EEF1G: variants seen among roughly 807,000 people sequenced by gnomAD.
EEF1G encodes eukaryotic translation elongation factor 1 gamma, also known as elongation factor 1-gamma.
A neutral mutation model predicts 58.3 loss-of-function variants in EEF1G; 14 were observed. That is an observed-to-expected ratio of 0.24 (90% CI 0.16 to 0.38). The LOEUF is 0.38. Ranked by LOEUF, EEF1G falls within the 10% of genes least tolerant of loss-of-function variation. The pLI is 1.00. For synonymous variants in EEF1G, 180 were observed against 206.8 expected (o/e 0.87, Z 1.11); for missense variants, 322 against 550.1 (o/e 0.59, Z 4.15).
intron 7 of EEF1G, among the ~76,000 whole-genome samples, chr11:62,563,813 G>A (rs1045623194): frequency 1.3e-5 from 2 of 152,198 alleles, no homozygotes; most frequent in Non-Finnish European, 2.9e-5. Context: ...TAGCAAAGCA[G>A]AGGATCTGTC....
chr11:62,572,538 C>T (rs575793726), intron 2 of EEF1G, 46 bp downstream of exon 2: 2 of 1,608,274 alleles, frequency 1.2e-6, no homozygotes, highest in South Asian at 2.2e-5. Flanking sequence ...AATCGCAGGG[C>T]CTTGGTTTCT....
chr11:62,570,917 T>G (rs1474382969), intron 5 of EEF1G, 48 bp downstream of exon 5: 26 of 1,611,630 alleles, frequency 1.6e-5, no homozygotes, highest in Non-Finnish European at 2.1e-5. Flanking sequence ...TCACTTTGTT[T>G]CTAATCCCCA....
intron 7 of EEF1G, among the ~76,000 whole-genome samples, chr11:62,562,133 TTG>T (rs1941503416): frequency 6.6e-6 from 1 of 152,352 alleles, no homozygotes; most frequent in Non-Finnish European, 1.5e-5. Flanking sequence ...TTGTAACCAT[TTG>T]TCTTTTAAAT....
intron 7 of EEF1G, among the ~76,000 whole-genome samples, chr11:62,562,099 C>T (rs975345434): frequency 1.3e-5 from 2 of 152,214 alleles, no homozygotes; most frequent in African/African-American, 4.8e-5. Flanking sequence ...GGATTTAGAG[C>T]CCTGCACCTG....
chr11:62,562,578 T>C (rs1311344568), intron 7 of EEF1G, among the ~76,000 whole-genome samples: 2 of 151,812 alleles, frequency 1.3e-5, no homozygotes, highest in Non-Finnish European at 2.9e-5. Flanking sequence ...ACCTACCGGG[T>C]TCAAGCGATT....
chr11:62,562,472 G>T (rs924817981), intron 7 of EEF1G, among the ~76,000 whole-genome samples: 12 of 151,974 alleles, frequency 7.9e-5, no homozygotes. Context: ...CCAACAAGAG[G>T]ATAATCTTTT....
At chr11:62,563,621 C>CTAAACAGG (rs1941523901) in intron 7 of EEF1G, among the ~76,000 whole-genome samples, 1 of 152,194 alleles carries the variant, frequency 6.6e-6, no homozygotes, top group African/African-American at 2.4e-5. Flanking sequence ...TGCCATAAAT[C>CTAAACAGG]TACTAAACAT....
chr11:62,561,780 CT>C (rs1319867843), intron 7 of EEF1G, among the ~76,000 whole-genome samples: 5 of 151,696 alleles, frequency 3.3e-5, no homozygotes, highest in Admixed American at 2.6e-4. Flanking sequence ...TACTTTGAAT[CT>C]TCCCTGTTTG....
At chr11:62,569,674 G>A (rs779201137) in intron 5 of EEF1G, among the ~76,000 whole-genome samples, 8 of 152,164 alleles carry the variant, frequency 5.3e-5, no homozygotes, top group Non-Finnish European at 8.8e-5. Context: ...ATCTTGTCAT[G>A]GAAACAGAAC....
intron 7 of EEF1G, among the ~76,000 whole-genome samples, chr11:62,562,026 A>AAGTGATAACAACATAAAGCCTTG: frequency 6.6e-6 from 1 of 152,164 alleles, no homozygotes; most frequent in East Asian, 1.9e-4. Context: ...ATTTTTCTCA[A>AAGTGATAACAACATAAAGCCTTG]AGTGATAACA....
intron 2 of EEF1G, among the ~76,000 whole-genome samples, chr11:62,572,192 G>A (rs749166291): frequency 6.6e-6 from 1 of 152,056 alleles, no homozygotes. Flanking sequence ...ATCAATGTCT[G>A]TATCAGTTAA....
At chr11:62,571,301 C>T (rs374787088) in intron 4 of EEF1G, among the ~76,000 whole-genome samples, 193 bp from the exon 5 acceptor site, 1 of 152,144 alleles carries the variant, frequency 6.6e-6, no homozygotes, top group Non-Finnish European at 1.5e-5. Flanking sequence ...TCTGGTCCAG[C>T]CACCCCCTTA....
intron 9 of EEF1G, 91 bp downstream of exon 9, chr11:62,559,978 T>TCC: frequency 6.2e-7 from 1 of 1,607,038 alleles, no homozygotes; most frequent in Non-Finnish European, 8.5e-7. Flanking sequence ...TCCTGAACCC[T>TCC]CCTAAACATC....
chr11:62,561,678 AAAAC>A (rs1304724482), intron 7 of EEF1G, among the ~76,000 whole-genome samples: 1 of 27,140 alleles, frequency 3.7e-5, no homozygotes, highest in African/African-American at 6.2e-5. Flanking sequence ...AAACAAAAAA[AAAAC>A]AAAAAAAAAA....
chr11:62,564,081 T>C (rs528150365), intron 7 of EEF1G, among the ~76,000 whole-genome samples: 8 of 152,350 alleles, frequency 5.3e-5, no homozygotes, highest in African/African-American at 1.9e-4. Flanking sequence ...GCCACTGCAG[T>C]TGACCTAGCT....
chr11:62,567,509 C>T lies in EEF1G; in HGVS notation c.542G>A (p.Arg181His). 1.2e-6 allele frequency: 2 copies of T among 1,608,050 alleles called. No homozygotes were observed. The highest frequency in any genetic ancestry group is 1.7e-6 in the Non-Finnish European group (2 of 1,177,006). Residue 181 changes from arginine to histidine, a missense_variant, in exon 6 of 10, where the codon CGC (arginine) becomes CAC (histidine). This residue lies in a region of EEF1G where 208 missense variants were observed against 323.7 expected (regional missense o/e 0.64). Coordinates refer to ENST00000329251, the MANE Select transcript of EEF1G (RefSeq NM_001404.5). ...GCGGTTGGTATTGGGAAAGGCCTGGCGGAAAGAAGGCTCTAGAACCTGCCA... is the reference window on the plus strand; with the variant it reads ...GCGGTTGGTATTGGGAAAGGCCTGGTGGAAAGAAGGCTCTAGAACCTGCCA... ...LYKQVLEPSFRQAFPNTNRWF... is the reference protein window; with the variant it reads ...LYKQVLEPSFHQAFPNTNRWF...
intron 1 of EEF1G, chr11:62,573,563 A>C: frequency 1.7e-6 from 1 of 579,378 alleles, no homozygotes; most frequent in Non-Finnish European, 3.1e-6. Context: ...GCGGCAACAG[A>C]GCCGAACCCC....
rs757768987 is a variant in EEF1G, at chr11:62,573,867, G to A, written c.-25C>T. ...TGGTGATTCCGCAAAGAAAGGGGGT[G>A]GGGTTCTCGGCGCTGCCGCAAAGTA... On this transcript the variant is annotated 5_prime_UTR_variant, in exon 1 of 10. Transcript: ENST00000329251. 2.0e-5 allele frequency: 33 copies of A among 1,613,546 alleles called. No individual in the cohort carries two copies. Among genetic ancestry groups the A allele is most frequent in the Non-Finnish European group, 2.5e-5 (30 of 1,179,864 alleles).
At chr11:62,561,939 AAGCAG>A (rs1941501637) in intron 7 of EEF1G, among the ~76,000 whole-genome samples, 2 of 152,202 alleles carry the variant, frequency 1.3e-5, no homozygotes, top group Non-Finnish European at 2.9e-5. Context: ...GACCTGTGTT[AAGCAG>A]ATCCTCAGCA....
Sources: gnomAD v4.1 joint callset for allele counts (sites outside exome capture counted in the v4.1 genomes callset) on GRCh38, gnomAD v4.1.1 for gene constraint, gnomAD v4.1.1 regional missense constraint, MANE v1.5 for transcripts, NCBI Gene and HGNC (gene_info 2026-07-23, HGNC 2026-07-21) for gene names.